Variants in HPSE2 observed in about 807,000 individuals in gnomAD.
HPSE2 encodes the protein inactive heparanase-2.
HPSE2 carries 38 observed loss-of-function variants against 60.5 expected under a neutral mutation model. That is an observed-to-expected ratio of 0.63 (90% CI 0.48 to 0.82). The LOEUF is 0.82. Among genes scored for constraint, HPSE2 ranks in the 40% least tolerant of loss-of-function variants. The probability of loss-of-function intolerance (pLI) is 0.00; values close to 1 mark genes in which losing one functional copy is unlikely to be tolerated. For missense variants in HPSE2, 713 were observed against 740.4 expected (o/e 0.96, Z 0.43); for synonymous variants, 295 against 293.2 (o/e 1.01, Z -0.06).
intron 6 of HPSE2, among the ~76,000 whole-genome samples, chr10:98,658,647 G>A (rs2134079961): frequency 6.6e-6 from 1 of 152,016 alleles, no homozygotes; most frequent in Non-Finnish European, 1.5e-5. Context: ...TTCTTCCGAA[G>A]CTTCAGTGTT....
At chr10:98,510,593 A>C (rs115032388) in intron 9 of HPSE2, among the ~76,000 whole-genome samples, 1 of 152,170 alleles carries the variant, frequency 6.6e-6, no homozygotes, top group African/African-American at 2.4e-5. Context: ...TTGATGATAC[A>C]CTACAGAGCC....
intron 3 of HPSE2, among the ~76,000 whole-genome samples, chr10:99,132,271 GAAAGA>G (rs1306205596): frequency 6.8e-6 from 1 of 147,396 alleles, no homozygotes; most frequent in African/African-American, 2.5e-5. Flanking sequence ...AAGAAAGAAA[GAAAGA>G]AAAGAAATTA....
chr10:98,667,385 C>T (rs924581084), intron 6 of HPSE2, among the ~76,000 whole-genome samples: 1 of 152,096 alleles, frequency 6.6e-6, no homozygotes, highest in Non-Finnish European at 1.5e-5. Flanking sequence ...TGAAACTATT[C>T]CAAAAAATAA....
chr10:98,742,999 G>C (rs1331033433), intron 4 of HPSE2, among the ~76,000 whole-genome samples: 2 of 129,708 alleles, frequency 1.5e-5, no homozygotes, highest in Non-Finnish European at 3.2e-5. Flanking sequence ...TTTTGAGATG[G>C]AGTCTTGCTG....
intron 3 of HPSE2, among the ~76,000 whole-genome samples, chr10:99,039,207 A>T (rs991645133): frequency 6.6e-6 from 1 of 152,152 alleles, no homozygotes; most frequent in Non-Finnish European, 1.5e-5. Context: ...AGGTAAAATG[A>T]AATGTTCAAA....
In HPSE2 at chr10:98,941,211, T is replaced by C. The variant is rs1436643745; in HGVS notation, c.611-197155A>G. Among the ~76,000 whole-genome samples the C allele has an allele frequency of 2.1e-4, 25 of 120,692 alleles. 4 individuals are homozygous for C. Among genetic ancestry groups the C allele is most frequent in the African/African-American group, 7.5e-4 (21 of 27,958 alleles). The allele number at this position is 120,692 out of a possible 152,430, so 79.2% of individuals were successfully genotyped here. A position where few individuals can be genotyped will look rare whatever the true frequency, so the allele number is the denominator to read the frequency against. ...CCTCTCTCACCACTCCTATTCAACA[T>C]AGTGTTGGAAGTTCTGGCCAGGGCA... On this transcript the variant is annotated intron_variant, in intron 3 of 11. Transcript: ENST00000370552.
In HPSE2 at chr10:98,814,109, C is replaced by T. The variant is rs115756327; in HGVS notation, c.611-70053G>A. Among the ~76,000 whole-genome samples, 891 of 152,128 alleles carry T rather than the reference C, an allele frequency of 5.9e-3. 5 individuals are homozygous for T. The highest frequency in any genetic ancestry group is 0.02 in the African/African-American group (843 of 41,516). ...ATTTGTTTTACCCAAAAGGCCTTGG[C>T]CTTTCCACTATACCCTTATAAATGT... On this transcript the variant is annotated intron_variant, in intron 3 of 11. Transcript: ENST00000370552.
At chr10:98,470,672 T>C (rs74380475) in intron 11 of HPSE2, among the ~76,000 whole-genome samples, 1 of 152,362 alleles carries the variant, frequency 6.6e-6, no homozygotes, top group African/African-American at 2.4e-5. Context: ...TCTCTCACTT[T>C]AGAATCAACT....
chr10:99,089,804 G>A (rs534673130), intron 3 of HPSE2, among the ~76,000 whole-genome samples: 6 of 152,314 alleles, frequency 3.9e-5, no homozygotes, highest in South Asian at 2.1e-4. Flanking sequence ...ACCCATCCAT[G>A]AGCATGGGAT....
intron 3 of HPSE2, among the ~76,000 whole-genome samples, chr10:98,766,820 G>A (rs1168038670): frequency 3.3e-5 from 5 of 152,072 alleles, no homozygotes; most frequent in Non-Finnish European, 5.9e-5. Flanking sequence ...AGCTACTCAG[G>A]AGACTGAGAT....
chr10:99,279,417 G>A, the HPSE2 span, among the ~76,000 whole-genome samples: 1 of 152,090 alleles, frequency 6.6e-6, no homozygotes, highest in African/African-American at 2.4e-5. Flanking sequence ...AAAAATCAAG[G>A]CTTTTATTAC....
At chr10:98,932,756 GT>G (rs1954675787) in intron 3 of HPSE2, among the ~76,000 whole-genome samples, 1 of 143,224 alleles carries the variant, frequency 7.0e-6, no homozygotes, top group Non-Finnish European at 1.5e-5. Context: ...TTTCTAGTTT[GT>G]TTTTAAAGAG....
chr10:98,878,624 G>A (rs1952939065), intron 3 of HPSE2, among the ~76,000 whole-genome samples: 1 of 151,940 alleles, frequency 6.6e-6, no homozygotes, highest in Non-Finnish European at 1.5e-5. Context: ...TGTGGTTGAG[G>A]AGTTATGACT....
At chr10:98,496,188 T>G (rs1487117249) in intron 9 of HPSE2, among the ~76,000 whole-genome samples, 2 of 152,162 alleles carry the variant, frequency 1.3e-5, no homozygotes, top group African/African-American at 4.8e-5. Context: ...TTCTTGGGTA[T>G]GCGTACTTTC....
intron 3 of HPSE2, among the ~76,000 whole-genome samples, chr10:98,903,551 C>G (rs1381133863): frequency 6.6e-6 from 1 of 152,112 alleles, no homozygotes; most frequent in Non-Finnish European, 1.5e-5. Flanking sequence ...CTCACTCTCT[C>G]TCTCTCGTTT....
At chr10:99,286,249 G>C in the HPSE2 span, among the ~76,000 whole-genome samples, 1 of 152,062 alleles carries the variant, frequency 6.6e-6, no homozygotes, top group Non-Finnish European at 1.5e-5. Context: ...TGAACAGATG[G>C]ACTCAAATAC....
chr10:99,204,804 A>G (rs1430556869), intron 2 of HPSE2, among the ~76,000 whole-genome samples: 2 of 152,246 alleles, frequency 1.3e-5, no homozygotes, highest in Non-Finnish European at 2.9e-5. Flanking sequence ...AAAAAAGAAA[A>G]TGTTAAGTAT....
At chr10:98,797,786 G>A (rs1950812645) in intron 3 of HPSE2, among the ~76,000 whole-genome samples, 1 of 152,064 alleles carries the variant, frequency 6.6e-6, no homozygotes, top group Admixed American at 6.5e-5. Context: ...GGAGGTTGCG[G>A]TGAGCCGAGA....
chr10:98,910,321 C>G (rs1373606402), intron 3 of HPSE2, among the ~76,000 whole-genome samples: 1 of 152,028 alleles, frequency 6.6e-6, no homozygotes, highest in East Asian at 1.9e-4. Flanking sequence ...GCATCAGACT[C>G]AAGAAGGTTT....
Sources: allele counts gnomAD v4.1 joint callset (sites outside exome capture counted in the v4.1 genomes callset), GRCh38; gene constraint gnomAD v4.1.1; transcripts MANE v1.5; gene names NCBI Gene and HGNC (gene_info 2026-07-23, HGNC 2026-07-21).